The following KCND3 variants were observed in gnomAD, a reference collection of about 807,000 sequenced individuals.
KCND3 encodes the protein A-type voltage-gated potassium channel KCND3.
A neutral mutation model predicts 51.1 loss-of-function variants in KCND3; 9 were observed. The observed-to-expected ratio is 0.18, with a 90% CI of 0.11 to 0.31. KCND3 has a LOEUF of 0.31. Ranked by LOEUF, KCND3 falls within the 10% of genes least tolerant of loss-of-function variation. The pLI is 1.00. For missense variants in KCND3, 526 were observed against 903.8 expected (o/e 0.58, Z 5.36); for synonymous variants, 349 against 368.0 (o/e 0.95, Z 0.59).
intron 2 of KCND3, among the ~76,000 whole-genome samples, chr1:111,791,881 G>A (rs1293409530): frequency 6.6e-5 from 10 of 152,174 alleles, no homozygotes; most frequent in South Asian, 2.1e-4. Context: ...AAAAATCACC[G>A]GGGAATTTAA....
rs563903538 is a variant in KCND3 at position 111,822,271 on chromosome 1, G to T, written c.1107-35165C>A. On this transcript the variant is annotated intron_variant, in intron 2 of 7. Transcript: ENST00000302127. Reference sequence around the variant, plus strand: ...ATATTTTATCTATGTGTGATTTTTAGGCGTACTGTTTGGTGACATTGTTTA... The same window carrying T: ...ATATTTTATCTATGTGTGATTTTTATGCGTACTGTTTGGTGACATTGTTTA... 4.6e-5 allele frequency among the ~76,000 whole-genome samples: 7 copies of T among 152,038 alleles called. No individual in the cohort carries two copies. In the East Asian group the frequency reaches 1.4e-3, roughly 29 times the overall value.
chr1:111,805,676 G>C (rs1284523389), intron 2 of KCND3, among the ~76,000 whole-genome samples: 1 of 152,230 alleles, frequency 6.6e-6, no homozygotes, highest in Non-Finnish European at 1.5e-5. Context: ...AGAGTCAAGC[G>C]AGGAGCGGGG....
Position 111,894,290 on chromosome 1 carries a change from C to G in KCND3, c.1106+87331G>C, listed in dbSNP as rs78975557. On this transcript the variant is annotated intron_variant, in intron 2 of 7. Coordinates refer to ENST00000302127, the MANE Select transcript of KCND3 (RefSeq NM_001378969.1). ...GAGGCTTTGGCTGTGTTCTATGTTC[C>G]TCTCCCCCTAGAATGCTCTTTTCCT... 2.5e-4 allele frequency among the ~76,000 whole-genome samples: 38 copies of G among 152,272 alleles called. 1 individual carries two copies. The East Asian group carries it at 6.6e-3, about 26-fold the overall frequency.
intron 2 of KCND3, among the ~76,000 whole-genome samples, chr1:111,920,879 G>C (rs1409510960): frequency 3.3e-5 from 5 of 152,178 alleles, no homozygotes; most frequent in Non-Finnish European, 7.4e-5. Flanking sequence ...CTCTTACTTT[G>C]ACTCAATCCC....
At chr1:111,813,029 G>A (rs1050552153) in intron 2 of KCND3, among the ~76,000 whole-genome samples, 12 of 152,186 alleles carry the variant, frequency 7.9e-5, no homozygotes, top group African/African-American at 2.4e-4. Context: ...GTGCTCCCAC[G>A]AGAGTGAGGT....
At chr1:111,921,179 T>C (rs1180181378) in intron 2 of KCND3, among the ~76,000 whole-genome samples, 1 of 152,244 alleles carries the variant, frequency 6.6e-6, no homozygotes, top group Non-Finnish European at 1.5e-5. Context: ...TAGAGATTCT[T>C]ATTGTCTTCT....
At chr1:111,948,533 T>C (rs918706527) in intron 2 of KCND3, among the ~76,000 whole-genome samples, 3 of 152,218 alleles carry the variant, frequency 2.0e-5, no homozygotes, top group African/African-American at 7.2e-5. Flanking sequence ...TTCTTCTTTC[T>C]TCTGTTCTCC....
intron 2 of KCND3, among the ~76,000 whole-genome samples, chr1:111,812,666 C>T (rs72981937): frequency 0.082 from 12,445 of 152,212 alleles, 895 homozygotes; most frequent in African/African-American, 0.18. Flanking sequence ...GCCTCATTTG[C>T]TTAATAACCT....
chr1:111,884,083 A>C (rs1242202508), intron 2 of KCND3, among the ~76,000 whole-genome samples: 1 of 152,136 alleles, frequency 6.6e-6, no homozygotes, highest in East Asian at 1.9e-4. Context: ...TTGTTCCGGA[A>C]TGAATAAGAC....
At chr1:111,969,818 G>A (rs1674223201) in intron 2 of KCND3, among the ~76,000 whole-genome samples, 1 of 152,098 alleles carries the variant, frequency 6.6e-6, no homozygotes, top group Admixed American at 6.5e-5. Context: ...CATCTCTGTT[G>A]TGGGGCAGCC....
intron 2 of KCND3, among the ~76,000 whole-genome samples, chr1:111,897,480 A>G (rs565184467): frequency 1.1e-3 from 166 of 152,294 alleles, no homozygotes; most frequent in African/African-American, 3.8e-3. Flanking sequence ...AGTCAGGCAC[A>G]CAGGCCTCAT....
At chr1:111,880,937 C>A (rs1420778789) in intron 2 of KCND3, among the ~76,000 whole-genome samples, 1 of 152,116 alleles carries the variant, frequency 6.6e-6, no homozygotes, top group African/African-American at 2.4e-5. Flanking sequence ...ACTTGCTAGC[C>A]TCGGTCTGCC....
At chr1:111,865,128 T>A (rs1385095726) in intron 2 of KCND3, among the ~76,000 whole-genome samples, 2 of 152,244 alleles carry the variant, frequency 1.3e-5, no homozygotes, top group Non-Finnish European at 2.9e-5. Flanking sequence ...TGAACCATGC[T>A]GTGACTTTAA....
chr1:111,988,288 G>T (rs953016426), intron 1 of KCND3, among the ~76,000 whole-genome samples: 1 of 152,102 alleles, frequency 6.6e-6, no homozygotes, highest in African/African-American at 2.4e-5. Flanking sequence ...GGGGATCCTT[G>T]GGGGACAGGC....
chr1:111,896,533 ACTGGGCTGGAGG>A (rs1334036864), intron 2 of KCND3, among the ~76,000 whole-genome samples: 1 of 152,208 alleles, frequency 6.6e-6, no homozygotes, highest in Non-Finnish European at 1.5e-5. Flanking sequence ...ACCCAACAGA[ACTGGGCTGGAGG>A]CTACCTGTCA....
intron 2 of KCND3, among the ~76,000 whole-genome samples, chr1:111,808,302 G>A (rs970836057): frequency 6.6e-6 from 1 of 152,154 alleles, no homozygotes; most frequent in Non-Finnish European, 1.5e-5. Flanking sequence ...CCATTTCTCT[G>A]AATTTTCTCA....
chr1:111,805,786 G>A lies in KCND3; in HGVS notation c.1107-18680C>T, dbSNP rs4553192. Among the ~76,000 whole-genome samples, 19 of 152,262 alleles carry A rather than the reference G, an allele frequency of 1.2e-4. No homozygotes were observed. In the East Asian group the frequency reaches 3.1e-3, roughly 25 times the overall value. On this transcript the variant is annotated intron_variant, in intron 2 of 7. Coordinates refer to ENST00000302127, the MANE Select transcript of KCND3 (RefSeq NM_001378969.1). ...TGTGTGGACGGTGTGAAAATTCCCC[G>A]CGGCTGCAGAGCAGGGCAGCAACCT... is the stretch of plus-strand genomic sequence containing the variant.
chr1:111,882,261 G>T (rs1479280266), intron 2 of KCND3, among the ~76,000 whole-genome samples: 1 of 152,202 alleles, frequency 6.6e-6, no homozygotes, highest in Non-Finnish European at 1.5e-5. Context: ...GTCCAATGGG[G>T]AAATCGAGGC....
At chr1:111,814,913 C>T (rs765870476) in intron 2 of KCND3, among the ~76,000 whole-genome samples, 5 of 152,192 alleles carry the variant, frequency 3.3e-5, no homozygotes, top group Admixed American at 6.5e-5. Flanking sequence ...TTAAGGAGGC[C>T]CACCCAGTGC....
Sources: allele counts gnomAD v4.1 joint callset (sites outside exome capture counted in the v4.1 genomes callset), GRCh38; gene constraint gnomAD v4.1.1; transcripts MANE v1.5; gene names NCBI Gene and HGNC (gene_info 2026-07-23, HGNC 2026-07-21).